SPOCK3: variants seen among roughly 807,000 people sequenced by gnomAD.
The protein encoded by SPOCK3 is SPARC (osteonectin), cwcv and kazal like domains proteoglycan 3.
In SPOCK3, 30 loss-of-function variants were observed where a neutral mutation model predicts 56.6. The observed-to-expected ratio is 0.53, with a 90% CI of 0.40 to 0.72. The LOEUF (loss-of-function observed/expected upper bound fraction) is 0.72, where lower values mean the gene tolerates loss of function less well. Ranked by LOEUF, SPOCK3 falls within the 30% of genes least tolerant of loss-of-function variation. The pLI is 0.00. For synonymous variants in SPOCK3, 196 were observed against 183.3 expected (o/e 1.07, Z -0.56); for missense variants, 527 against 530.0 (o/e 0.99, Z 0.06).
chr4:167,004,046 C>A (rs939211792), intron 3 of SPOCK3, among the ~76,000 whole-genome samples: 7 of 152,186 alleles, frequency 4.6e-5, no homozygotes, highest in African/African-American at 1.7e-4. Flanking sequence ...AGGCCTGATT[C>A]TTCCTAGTTT....
intron 2 of SPOCK3, among the ~76,000 whole-genome samples, chr4:167,217,474 G>A (rs547996488): frequency 9.9e-5 from 15 of 152,040 alleles, no homozygotes; most frequent in African/African-American, 3.1e-4. Flanking sequence ...AAGTGTATTG[G>A]AGAATGAGTG....
intron 2 of SPOCK3, among the ~76,000 whole-genome samples, chr4:167,183,943 T>G (rs1731725576): frequency 6.6e-6 from 1 of 152,190 alleles, no homozygotes; most frequent in Admixed American, 6.5e-5. Context: ...TTGAAAAACC[T>G]TTTTGAATAT....
intron 2 of SPOCK3, among the ~76,000 whole-genome samples, chr4:167,114,296 T>C (rs1159552503): frequency 6.6e-6 from 1 of 152,162 alleles, no homozygotes; most frequent in Non-Finnish European, 1.5e-5. Flanking sequence ...GCTATGCCAC[T>C]TCTCAGTAAC....
intron 6 of SPOCK3, among the ~76,000 whole-genome samples, chr4:166,814,313 A>T (rs545393569): frequency 1.3e-5 from 2 of 152,132 alleles, no homozygotes; most frequent in Non-Finnish European, 2.9e-5. Context: ...TGTCAATTGG[A>T]TTGGATTGAA....
intron 2 of SPOCK3, among the ~76,000 whole-genome samples, chr4:167,124,162 T>C (rs1762094078): frequency 6.6e-6 from 1 of 152,218 alleles, no homozygotes; most frequent in Non-Finnish European, 1.5e-5. Context: ...GACCTGTGAA[T>C]GTTGAATGGC....
chr4:166,749,742 A>G (rs936045717), intron 8 of SPOCK3, among the ~76,000 whole-genome samples: 1 of 152,144 alleles, frequency 6.6e-6, no homozygotes, highest in African/African-American at 2.4e-5. Context: ...AATTGATCCA[A>G]TTGATCCCTT....
rs1178866196 is a variant in SPOCK3, at chr4:166,894,304, G to C, written c.475-5060C>G. Among the ~76,000 whole-genome samples, 3 of 152,096 alleles carry C rather than the reference G, an allele frequency of 2.0e-5. No individual in the cohort carries two copies. The East Asian group carries it at 5.8e-4, about 29-fold the overall frequency. ...AAAAAAATCTTGTGCCATAGGGCAG[G>C]TGAGAGTCATGTTCCTGCTTTCTTA... On this transcript the variant is annotated intron_variant, in intron 5 of 10. Transcript: ENST00000357545.
At chr4:166,751,448 A>G (rs923072295) in intron 8 of SPOCK3, among the ~76,000 whole-genome samples, 1 of 152,204 alleles carries the variant, frequency 6.6e-6, no homozygotes, top group African/African-American at 2.4e-5. Context: ...GGCATTTTAT[A>G]TATAATTACT....
At chr4:166,885,043 C>G (rs1004869891) in intron 6 of SPOCK3, among the ~76,000 whole-genome samples, 40 of 152,142 alleles carry the variant, frequency 2.6e-4, no homozygotes, top group African/African-American at 9.6e-4. Flanking sequence ...GTAGGAATTA[C>G]AAACCACAGG....
intron 2 of SPOCK3, among the ~76,000 whole-genome samples, chr4:167,118,730 T>C (rs1761627143): frequency 6.6e-6 from 1 of 152,204 alleles, no homozygotes; most frequent in Admixed American, 6.5e-5. Flanking sequence ...AAGTATGTTA[T>C]ATTTTTTCTA....
At position 166,903,651 on chromosome 4, in the gene SPOCK3, G is replaced by GTT. The variant is rs573478645; in HGVS notation, c.474+8968_474+8969insAA. ...ATTTCCGGATTGTAGTTATTGACAG[G>GTT]TGTTTTGTTTTTTCCTGTCTCAGTT... is the stretch of plus-strand genomic sequence containing the variant. On this transcript the variant is annotated intron_variant, in intron 5 of 10. Transcript: ENST00000357545. Among the ~76,000 whole-genome samples the GTT allele has an allele frequency of 9.8e-3, 1,495 of 151,950 alleles. 21 individuals carry two copies. The highest frequency in any genetic ancestry group is 0.034 in the African/African-American group (1,392 of 41,368).
At chr4:166,845,759 T>C (rs1747993303) in intron 6 of SPOCK3, among the ~76,000 whole-genome samples, 1 of 152,278 alleles carries the variant, frequency 6.6e-6, no homozygotes, top group South Asian at 2.1e-4. Context: ...TTTAAAGCAA[T>C]GGGACAAAAA....
At chr4:166,789,803 G>A (rs1741140605) in intron 7 of SPOCK3, among the ~76,000 whole-genome samples, 1 of 152,146 alleles carries the variant, frequency 6.6e-6, no homozygotes, top group Non-Finnish European at 1.5e-5. Context: ...GGGATGCAGG[G>A]AAAAGTTAAC....
chr4:167,223,418 T>C (rs1034704513), intron 2 of SPOCK3, among the ~76,000 whole-genome samples: 1 of 149,566 alleles, frequency 6.7e-6, no homozygotes, highest in Admixed American at 6.8e-5. Flanking sequence ...GAGAGATATA[T>C]ATTAAAGTGG....
chr4:167,070,168 T>G (rs756924343), intron 2 of SPOCK3, among the ~76,000 whole-genome samples: 2 of 151,944 alleles, frequency 1.3e-5, no homozygotes, highest in Non-Finnish European at 2.9e-5. Context: ...AGAAAGTATT[T>G]TGGGCCCCTA....
At chr4:166,778,517 A>G (rs1296355594) in intron 7 of SPOCK3, among the ~76,000 whole-genome samples, 1 of 152,150 alleles carries the variant, frequency 6.6e-6, no homozygotes, top group Non-Finnish European at 1.5e-5. Context: ...GAAGGGGTAA[A>G]CAGCAGGTAT....
intron 2 of SPOCK3, among the ~76,000 whole-genome samples, chr4:167,220,588 T>G (rs76663480): frequency 0.031 from 4,698 of 151,570 alleles, 109 homozygotes; most frequent in Middle Eastern, 0.075. Flanking sequence ...GTCTGGCTTT[T>G]TTGCTCAGGC....
intron 2 of SPOCK3, among the ~76,000 whole-genome samples, chr4:167,158,407 T>C (rs957264492): frequency 3.9e-5 from 6 of 152,000 alleles, no homozygotes; most frequent in African/African-American, 1.4e-4. Flanking sequence ...TACACATTTG[T>C]ATGAAATGCA....
chr4:166,841,873 T>C (rs763444249), intron 6 of SPOCK3, among the ~76,000 whole-genome samples: 2 of 152,192 alleles, frequency 1.3e-5, no homozygotes, highest in Non-Finnish European at 2.9e-5. Flanking sequence ...ACTTCAAGAA[T>C]GAAGCCGTGG....
Sources: allele counts gnomAD v4.1 joint callset (sites outside exome capture counted in the v4.1 genomes callset), GRCh38; gene constraint gnomAD v4.1.1; transcripts MANE v1.5; gene names NCBI Gene and HGNC (gene_info 2026-07-23, HGNC 2026-07-21).